The following RARB variants were observed in gnomAD, a reference collection of about 807,000 sequenced individuals.
RARB encodes the protein retinoic acid receptor beta.
A neutral mutation model predicts 51.9 loss-of-function variants in RARB; 17 were observed. The ratio of observed to expected loss-of-function variants is 0.33; its 90% confidence interval spans 0.22 to 0.49. RARB has a LOEUF of 0.49. RARB is among the 20% of genes least tolerant of loss of function. The pLI, the probability that RARB is intolerant of heterozygous loss-of-function variation, is 0.99. For synonymous variants in RARB, 215 were observed against 195.4 expected, an observed-to-expected ratio of 1.10 and a Z score of -0.84; for missense variants, 369 against 550.8, an observed-to-expected ratio of 0.67 and a Z score of 3.30.
chr3:25,363,395 G>A (rs188142434), intron 5 of RARB, among the ~76,000 whole-genome samples: 2 of 152,236 alleles, frequency 1.3e-5, no homozygotes, highest in East Asian at 1.9e-4. Context: ...ATCTAACGTA[G>A]CATGTCCAGA....
intron 1 of RARB, among the ~76,000 whole-genome samples, chr3:25,460,053 G>A (rs1695097606): frequency 6.6e-6 from 1 of 152,094 alleles, no homozygotes. Flanking sequence ...CAGGATGGAG[G>A]ATTATTATTT....
chr3:24,914,959 C>A (rs13324296), intron 2 of RARB, among the ~76,000 whole-genome samples: 2 of 152,124 alleles, frequency 1.3e-5, no homozygotes, highest in Non-Finnish European at 2.9e-5. Flanking sequence ...AATACCTTGA[C>A]TTTGCAGGAT....
chr3:25,035,421 CTTTTTTTTTT>C (rs140970899), intron 2 of RARB, among the ~76,000 whole-genome samples: 5 of 121,660 alleles, frequency 4.1e-5, no homozygotes, highest in Non-Finnish European at 4.8e-5. Flanking sequence ...TGCGTCCAGC[CTTTTTTTTTT>C]TTTTTTTTTT....
chr3:25,272,647 C>G (rs1703282265), intron 5 of RARB, among the ~76,000 whole-genome samples: 1 of 152,226 alleles, frequency 6.6e-6, no homozygotes, highest in African/African-American at 2.4e-5. Context: ...AGAGCAATTT[C>G]TTCAGATATT....
chr3:25,053,056 G>A (rs1698368719), intron 2 of RARB, among the ~76,000 whole-genome samples: 1 of 152,116 alleles, frequency 6.6e-6, no homozygotes, highest in African/African-American at 2.4e-5. Context: ...AAAATTAATT[G>A]AAACATTGAA....
intron 1 of RARB, among the ~76,000 whole-genome samples, chr3:24,856,478 G>C (rs1280804958): frequency 6.6e-6 from 1 of 152,146 alleles, no homozygotes; most frequent in African/African-American, 2.4e-5. Context: ...TCCTTATACT[G>C]TACCTGACTA....
At position 25,575,724 on chromosome 3, in the gene RARB, C is replaced by T. The variant is rs374337708; in HGVS notation, c.610-4822C>T. Among the ~76,000 whole-genome samples the T allele has an allele frequency of 2.7e-4, 41 of 152,266 alleles. No homozygotes were observed. The East Asian group carries it at 4.8e-3, about 18-fold the overall frequency. The stretch of plus-strand genomic sequence containing the variant: ...CACCAAGTCATACTGGATTAGGGCC[C>T]ACCCTAATTACCTCATTTTAACTTG... On this transcript the variant is annotated intron_variant, in intron 4 of 7. Coordinates refer to ENST00000330688, the MANE Select transcript of RARB (RefSeq NM_000965.5).
intron 5 of RARB, among the ~76,000 whole-genome samples, chr3:25,382,273 C>G (rs114514477): frequency 5.9e-5 from 9 of 152,172 alleles, no homozygotes; most frequent in African/African-American, 1.9e-4. Context: ...ATCAGGACAA[C>G]TAGCAATAAA....
intron 5 of RARB, among the ~76,000 whole-genome samples, chr3:25,198,181 A>G (rs529824809): frequency 1.9e-4 from 29 of 151,856 alleles, no homozygotes; most frequent in African/African-American, 5.5e-4. Flanking sequence ...GGAAGGTACA[A>G]TCTCGTCAAT....
intron 5 of RARB, among the ~76,000 whole-genome samples, chr3:25,421,323 G>C (rs79559176): frequency 0.017 from 2,512 of 147,602 alleles, 58 homozygotes; most frequent in African/African-American, 0.06. Flanking sequence ...GGTACAGGTA[G>C]TATTTGAGTG....
At chr3:25,192,269 A>C (rs1701121614) in intron 5 of RARB, among the ~76,000 whole-genome samples, 1 of 152,122 alleles carries the variant, frequency 6.6e-6, no homozygotes, top group Admixed American at 6.6e-5. Context: ...GGCATCTCAT[A>C]AGCTATTCTT....
intron 5 of RARB, among the ~76,000 whole-genome samples, chr3:25,182,383 A>G (rs1436194049): frequency 6.6e-6 from 1 of 152,216 alleles, no homozygotes; most frequent in African/African-American, 2.4e-5. Flanking sequence ...GAACAGCGAT[A>G]TGCAGAAGAC....
At chr3:25,306,944 G>T (rs1378586428) in intron 5 of RARB, among the ~76,000 whole-genome samples, 1 of 152,110 alleles carries the variant, frequency 6.6e-6, no homozygotes, top group Non-Finnish European at 1.5e-5. Context: ...GCCCAGGCTT[G>T]TTAGGGTTGG....
At chr3:25,008,873 G>T (rs1406424941) in intron 2 of RARB, among the ~76,000 whole-genome samples, 5 of 152,088 alleles carry the variant, frequency 3.3e-5, no homozygotes, top group Middle Eastern at 3.4e-3. Flanking sequence ...AACCTCTTTT[G>T]TATGCTTCAC....
chr3:25,061,461 A>C (rs1269892082), intron 3 of RARB, among the ~76,000 whole-genome samples: 1 of 151,810 alleles, frequency 6.6e-6, no homozygotes, highest in Non-Finnish European at 1.5e-5. Flanking sequence ...AAATAACTTG[A>C]TTGCTTTTTT....
intron 2 of RARB, among the ~76,000 whole-genome samples, chr3:25,035,077 T>G (rs1697958175): frequency 6.6e-6 from 1 of 152,346 alleles, no homozygotes; most frequent in Middle Eastern, 3.4e-3. Flanking sequence ...AAAAGCTGTT[T>G]CAATTTATTT....
chr3:25,088,108 A>T (rs577171001), intron 3 of RARB, among the ~76,000 whole-genome samples: 1 of 152,002 alleles, frequency 6.6e-6, no homozygotes, highest in Admixed American at 6.6e-5. Context: ...GCAATTTCAC[A>T]GTAGGGATCT....
chr3:25,338,096 A>AACACACACACAC (rs10523484), intron 5 of RARB, among the ~76,000 whole-genome samples: 19 of 144,052 alleles, frequency 1.3e-4, no homozygotes, highest in African/African-American at 4.1e-4. Flanking sequence ...CCAAACCCCC[A>AACACACACACAC]ACACACACAC....
At chr3:25,122,643 T>G (rs1263728927) in intron 3 of RARB, among the ~76,000 whole-genome samples, 2 of 152,142 alleles carry the variant, frequency 1.3e-5, no homozygotes, top group Non-Finnish European at 2.9e-5. Context: ...TTCCTCATGT[T>G]CTAGCTCTAT....
Sources: allele counts gnomAD v4.1 joint callset (sites outside exome capture counted in the v4.1 genomes callset), GRCh38; gene constraint gnomAD v4.1.1; transcripts MANE v1.5; gene names NCBI Gene and HGNC (gene_info 2026-07-23, HGNC 2026-07-21).